Variants in TMPRSS11A observed in about 807,000 individuals in gnomAD.
TMPRSS11A encodes the protein transmembrane protease serine 11A.
A neutral mutation model predicts 58.9 loss-of-function variants in TMPRSS11A; 53 were observed. The observed-to-expected ratio is 0.90, with a 90% CI of 0.72 to 1.13. The LOEUF (loss-of-function observed/expected upper bound fraction) is 1.13. TMPRSS11A is among the 50% of genes most tolerant of loss of function. TMPRSS11A has a pLI of 0.00. For missense variants in TMPRSS11A, 493 were observed against 499.3 expected, an observed-to-expected ratio of 0.99 and a Z score of 0.12; for synonymous variants, 167 against 169.8, an observed-to-expected ratio of 0.98 and a Z score of 0.13.
intron 3 of TMPRSS11A, among the ~76,000 whole-genome samples, chr4:67,937,262 A>G (rs1720776092): frequency 6.6e-6 from 1 of 152,138 alleles, no homozygotes; most frequent in African/African-American, 2.4e-5. Flanking sequence ...TTCACACTAG[A>G]TGTACATACA....
In TMPRSS11A at chr4:67,929,914, G is replaced by A. The variant is rs373416079; in HGVS notation, c.447C>T (p.Ala149=). 4.2e-5 allele frequency: 67 copies of A among 1,613,070 alleles called. 1 individual carries two copies. Among genetic ancestry groups the A allele is most frequent in the Non-Finnish European group, 5.3e-5 (63 of 1,179,420 alleles). ...GAACTGATGAGGCATTTATTGGCAA[G>A]GCTCTTAAATTCCTTATCTTCTGAT... ...ILNQKIRNLR[A]LPINASSVQV... is the part of the protein sequence containing the mutation. Residue 149 remains alanine (A), a synonymous_variant, in exon 5 of 10, where the codon GCC becomes GCT. Transcript: ENST00000508048.
At position 67,917,176 on chromosome 4, in the gene TMPRSS11A, A is replaced by G. The variant is rs540735982; in HGVS notation, c.952+1797T>C. ...CCTTCCTTATGTTTGTTTTAGGTTTATTTTTTATTTTTCTAGTTTCTTGAA... is the reference window on the plus strand; with the variant it reads ...CCTTCCTTATGTTTGTTTTAGGTTTGTTTTTTATTTTTCTAGTTTCTTGAA... On this transcript the variant is annotated intron_variant, in intron 8 of 9. Coordinates refer to ENST00000508048, the MANE Select transcript of TMPRSS11A (RefSeq NM_001114387.2). 1.5e-4 allele frequency among the ~76,000 whole-genome samples: 22 copies of G among 150,492 alleles called. No individual in the cohort carries two copies. The East Asian group carries it at 3.9e-3, about 27-fold the overall frequency.
At chr4:67,921,932 A>G (rs1193134616) in intron 7 of TMPRSS11A, among the ~76,000 whole-genome samples, 3 of 152,242 alleles carry the variant, frequency 2.0e-5, no homozygotes, top group Non-Finnish European at 4.4e-5. Flanking sequence ...CAAATCTAAA[A>G]TTCTAAATGT....
intron 3 of TMPRSS11A, among the ~76,000 whole-genome samples, chr4:67,943,509 G>T (rs1253065519): frequency 6.6e-6 from 1 of 152,082 alleles, no homozygotes; most frequent in African/African-American, 2.4e-5. Context: ...GAAGGTATTT[G>T]GGTGTATTGG....
intron 1 of TMPRSS11A, among the ~76,000 whole-genome samples, chr4:67,957,658 T>C (rs1307349775): frequency 6.6e-6 from 1 of 152,026 alleles, no homozygotes; most frequent in African/African-American, 2.4e-5. Flanking sequence ...ATCCTGACAA[T>C]GCGATAAAAC....
In TMPRSS11A at chr4:67,919,203, C is replaced by G; in HGVS notation, c.722G>C (p.Ser241Thr). 6.2e-7 allele frequency: 1 copy of G among 1,614,072 alleles called. No homozygotes were observed. Among genetic ancestry groups the G allele is most frequent in the Non-Finnish European group, 8.5e-7 (1 of 1,179,992 alleles). The change falls in exon 8 of 10, where the codon AGT becomes ACT. Residue 241 changes from serine to threonine, a missense_variant. Ser to Thr is a moderately conservative substitution (Grantham distance 58). Transcript: ENST00000508048. ...GGGAGGGTTGATTTTTGTTCCAAAA[C>G]TAACAGTCCATTGATGTGGATTTTT... ...KYKNPHQWTV[S>T]FGTKINPPLM...
intron 2 of TMPRSS11A, among the ~76,000 whole-genome samples, chr4:67,945,511 C>T (rs999956066): frequency 1.3e-5 from 2 of 152,160 alleles, no homozygotes; most frequent in African/African-American, 4.8e-5. Context: ...ATACTGTTAA[C>T]AAACCTTACT....
intron 5 of TMPRSS11A, among the ~76,000 whole-genome samples, chr4:67,925,331 G>T (rs1720439293): frequency 6.6e-6 from 1 of 152,092 alleles, no homozygotes; most frequent in Non-Finnish European, 1.5e-5. Flanking sequence ...TTGGTGGAAG[G>T]TTTCATGAAA....
intron 8 of TMPRSS11A, among the ~76,000 whole-genome samples, chr4:67,916,984 T>C (rs979936881): frequency 1.3e-5 from 2 of 152,152 alleles, no homozygotes; most frequent in African/African-American, 4.8e-5. Context: ...ATGAAAAGCA[T>C]AGCCCATAAA....
intron 3 of TMPRSS11A, among the ~76,000 whole-genome samples, chr4:67,936,191 A>C (rs1388233027): frequency 6.6e-6 from 1 of 152,182 alleles, no homozygotes; most frequent in Non-Finnish European, 1.5e-5. Flanking sequence ...GGCAGCAAGC[A>C]GTTTGTAAGA....
intron 5 of TMPRSS11A, among the ~76,000 whole-genome samples, chr4:67,924,893 G>A (rs1028415375): frequency 6.6e-6 from 1 of 151,672 alleles, no homozygotes; most frequent in Non-Finnish European, 1.5e-5. Flanking sequence ...CAAGTAGACT[G>A]TCTTACAGGT....
chr4:67,921,267 A>AATAT (rs1720322618), intron 7 of TMPRSS11A, among the ~76,000 whole-genome samples: 1 of 152,230 alleles, frequency 6.6e-6, no homozygotes, highest in African/African-American at 2.4e-5. Flanking sequence ...CTGGCTTTCT[A>AATAT]ATATATCAGC....
chr4:67,914,758 A>G, intron 8 of TMPRSS11A, 28 bp from the exon 9 acceptor site: 1 of 1,596,076 alleles, frequency 6.3e-7, no homozygotes, highest in South Asian at 1.1e-5. Flanking sequence ...TTATTCTAGT[A>G]TTTACAATCA....
chr4:67,943,469 T>C (rs1181078858), intron 3 of TMPRSS11A, among the ~76,000 whole-genome samples: 2 of 152,190 alleles, frequency 1.3e-5, no homozygotes, highest in Non-Finnish European at 2.9e-5. Context: ...GAGGAGGTTA[T>C]GTGGAGTCAC....
rs67302217 is a variant in TMPRSS11A, at chr4:67,930,808, C to CTTTTTTT, written c.321-775_321-769dup. On this transcript the variant is annotated intron_variant, in intron 4 of 9. Coordinates refer to ENST00000508048, the MANE Select transcript of TMPRSS11A (RefSeq NM_001114387.2). ...AATATATATTGATCTGTTATCTCTC[C>CTTTTTTT]TTTTTTTTTTTTTTTTTTTTTACAA... Among the ~76,000 whole-genome samples the CTTTTTTT allele has an allele frequency of 5.9e-4, 30 of 51,162 alleles. 1 individual carries two copies. Among genetic ancestry groups the CTTTTTTT allele is most frequent in the South Asian group, 9.1e-4 (1 of 1,098 alleles). The allele number at this position is 51,162 out of a possible 152,430, so 33.6% of individuals were successfully genotyped here. A position where few individuals can be genotyped will look rare whatever the true frequency, so the allele number is the denominator to read the frequency against.
chr4:67,955,245 T>C (rs1033818188), intron 1 of TMPRSS11A, among the ~76,000 whole-genome samples: 2 of 152,188 alleles, frequency 1.3e-5, no homozygotes, highest in African/African-American at 2.4e-5. Flanking sequence ...AGTACAATAT[T>C]AAAAATGGAA....
chr4:67,955,540 A>G (rs1287124919), intron 1 of TMPRSS11A, among the ~76,000 whole-genome samples: 1 of 152,190 alleles, frequency 6.6e-6, no homozygotes, highest in Non-Finnish European at 1.5e-5. Context: ...GTACAACATA[A>G]ATATGCCTTC....
At position 67,919,037 on chromosome 4, in the gene TMPRSS11A, G is replaced by A. The variant is rs1720239318; in HGVS notation, c.888C>T (p.Ala296=). The A allele has an allele frequency of 1.2e-6, 2 of 1,614,050 alleles. No homozygotes were observed. Among genetic ancestry groups the A allele is most frequent in the African/African-American group, 2.7e-5 (2 of 74,916 alleles). The change falls in exon 8 of 10, where the codon GCC becomes GCT. Residue 296 remains alanine, a synonymous_variant. Transcript: ENST00000508048. ...TCAAATTTGGTTGGAAGGATGCAGA[G>A]GCTTCTGGCAAACAAATCTGGCGTA... ...DDIRQICLPE[A]SASFQPNLTV...
chr4:67,929,458 C>T (rs1433711692), intron 5 of TMPRSS11A, among the ~76,000 whole-genome samples: 1 of 152,074 alleles, frequency 6.6e-6, no homozygotes. Context: ...GGAAAAAAAG[C>T]TAACAAAAAT....
Sources: allele counts gnomAD v4.1 joint callset (sites outside exome capture counted in the v4.1 genomes callset), GRCh38; gene constraint gnomAD v4.1.1; transcripts MANE v1.5; gene names NCBI Gene and HGNC (gene_info 2026-07-23, HGNC 2026-07-21).